DAB1: variants seen among roughly 807,000 people sequenced by gnomAD.
The protein encoded by DAB1 is DAB adaptor protein 1.
In DAB1, 15 loss-of-function variants were observed where a neutral mutation model predicts 64.6. The observed-to-expected ratio is 0.23, with a 90% CI of 0.16 to 0.36. The LOEUF is 0.36. DAB1 is among the 10% of genes least tolerant of loss of function. The pLI, the probability that DAB1 is intolerant of heterozygous loss-of-function variation, is 1.00. For missense variants in DAB1, 596 were observed against 706.7 expected (o/e 0.84, Z 1.78); for synonymous variants, 235 against 251.9 (o/e 0.93, Z 0.64).
intron 7 of DAB1, among the ~76,000 whole-genome samples, chr1:57,482,245 T>A (rs1644030695): frequency 6.6e-6 from 1 of 152,082 alleles, no homozygotes; most frequent in Non-Finnish European, 1.5e-5. Flanking sequence ...AACATTTATA[T>A]GGACCAAGTG....
intron 1 of DAB1, among the ~76,000 whole-genome samples, chr1:57,376,735 G>C (rs1680926942): frequency 6.6e-6 from 1 of 152,150 alleles, no homozygotes; most frequent in Non-Finnish European, 1.5e-5. Context: ...TGAACAGATG[G>C]ATAAAGAGAC....
At chr1:58,044,405 A>G (rs1647195622) in intron 5 of DAB1, among the ~76,000 whole-genome samples, 1 of 150,904 alleles carries the variant, frequency 6.6e-6, no homozygotes, top group East Asian at 1.9e-4. Context: ...CTGCTCTTTG[A>G]CTTGTCTGAA....
At chr1:58,313,212 A>T (rs1662470252) in intron 4 of DAB1, among the ~76,000 whole-genome samples, 1 of 152,166 alleles carries the variant, frequency 6.6e-6, no homozygotes, top group Non-Finnish European at 1.5e-5. Flanking sequence ...TGTATTACTC[A>T]TGGACCCAGC....
At chr1:58,438,202 G>C (rs546310907) in intron 3 of DAB1, among the ~76,000 whole-genome samples, 2 of 152,096 alleles carry the variant, frequency 1.3e-5, no homozygotes, top group Non-Finnish European at 2.9e-5. Context: ...TGAGTTTTCT[G>C]TCATTTGCAT....
chr1:57,482,848 A>G (rs1188108588), intron 7 of DAB1, among the ~76,000 whole-genome samples: 1 of 152,200 alleles, frequency 6.6e-6, no homozygotes, highest in Non-Finnish European at 1.5e-5. Context: ...AGAGAGGTTA[A>G]TAACTTGCTC....
chr1:57,564,513 G>A (rs148556569), intron 7 of DAB1, among the ~76,000 whole-genome samples: 107 of 152,212 alleles, frequency 7.0e-4, no homozygotes, highest in African/African-American at 2.0e-3. Flanking sequence ...TGAACCCATC[G>A]CAAAGAAGCT....
At chr1:58,169,834 C>A (rs1304355282) in intron 4 of DAB1, among the ~76,000 whole-genome samples, 1 of 152,168 alleles carries the variant, frequency 6.6e-6, no homozygotes, top group Non-Finnish European at 1.5e-5. Flanking sequence ...TCGGTTATGT[C>A]CCCTTCAAGC....
At chr1:57,957,278 A>G (rs962569075) in intron 5 of DAB1, among the ~76,000 whole-genome samples, 1 of 152,216 alleles carries the variant, frequency 6.6e-6, no homozygotes, top group Non-Finnish European at 1.5e-5. Context: ...TGTAAGTAAT[A>G]CTATGGAATC....
In DAB1 at chr1:58,168,764, T is replaced by C. The variant is rs1656002434; in HGVS notation, n.310-18176A>G. ...ACAAAAGGTGTCACTCTTCCTACCC[T>C]GGAGATCCCTTCTCTCCCTCAGGGT... is the stretch of plus-strand genomic sequence containing the variant. On this transcript the variant is annotated intron_variant and non_coding_transcript_variant, in intron 4 of 20. Transcript: ENST00000485760. Among the ~76,000 whole-genome samples, 4 of 152,186 alleles carry C rather than the reference T, an allele frequency of 2.6e-5. No homozygotes were observed. In the South Asian group the frequency reaches 8.3e-4, roughly 32 times the overall value.
chr1:57,890,068 C>G (rs1032463456), intron 5 of DAB1, among the ~76,000 whole-genome samples: 1 of 151,996 alleles, frequency 6.6e-6, no homozygotes, highest in Non-Finnish European at 1.5e-5. Flanking sequence ...ATGGAGCCCA[C>G]GGTCGAGTGG....
At chr1:57,550,279 A>G (rs1394519219) in intron 7 of DAB1, among the ~76,000 whole-genome samples, 1 of 152,188 alleles carries the variant, frequency 6.6e-6, no homozygotes, top group African/African-American at 2.4e-5. Flanking sequence ...AGATTAGTTG[A>G]CAGGAAGTGG....
At chr1:57,406,618 C>G (rs2101045194) in intron 1 of DAB1, among the ~76,000 whole-genome samples, 1 of 152,320 alleles carries the variant, frequency 6.6e-6, no homozygotes, top group East Asian at 1.9e-4. Flanking sequence ...TCATCTTCAT[C>G]ATTGCATCAT....
intron 3 of DAB1, among the ~76,000 whole-genome samples, chr1:58,397,020 G>C (rs546879148): frequency 6.6e-6 from 1 of 150,818 alleles, no homozygotes; most frequent in African/African-American, 2.4e-5. Context: ...AGCCGAGATC[G>C]CACTACTGCA....
intron 3 of DAB1, among the ~76,000 whole-genome samples, chr1:58,418,664 G>A (rs552165791): frequency 6.6e-6 from 1 of 152,158 alleles, no homozygotes; most frequent in South Asian, 2.1e-4. Context: ...ATGGGGGTTG[G>A]AGGAGGAATC....
chr1:57,780,440 C>T (rs980645720), intron 6 of DAB1, among the ~76,000 whole-genome samples: 42 of 152,242 alleles, frequency 2.8e-4, no homozygotes, highest in African/African-American at 9.6e-4. Context: ...GGGAATTCTT[C>T]ATGAGGCTTG....
intron 4 of DAB1, among the ~76,000 whole-genome samples, chr1:58,189,691 T>C (rs946964143): frequency 6.6e-6 from 1 of 152,230 alleles, no homozygotes. Context: ...TTGTCCTTAC[T>C]ACCCTGGCTG....
chr1:57,639,309 TATAAAGTTCTTTATA>T (rs1238784702), intron 7 of DAB1, among the ~76,000 whole-genome samples: 1 of 151,294 alleles, frequency 6.6e-6, no homozygotes, highest in Non-Finnish European at 1.5e-5. Flanking sequence ...TAAATAACTT[TATAAAGTTCTTTATA>T]AAAAGAACTT....
At chr1:57,385,045 A>C (rs11805025) in intron 1 of DAB1, among the ~76,000 whole-genome samples, 39,038 of 151,996 alleles carry the variant, frequency 0.26, 5,709 homozygotes, top group African/African-American at 0.4. Flanking sequence ...GAAACACAAA[A>C]CCCATCTTGG....
chr1:58,163,960 ATAG>A (rs2100753785), intron 4 of DAB1, among the ~76,000 whole-genome samples: 1 of 152,304 alleles, frequency 6.6e-6, no homozygotes, highest in African/African-American at 2.4e-5. Context: ...CTACCCACAC[ATAG>A]TTCCAAGAAA....
Sources: gnomAD v4.1 joint callset for allele counts (sites outside exome capture counted in the v4.1 genomes callset) on GRCh38, gnomAD v4.1.1 for gene constraint, MANE v1.5 for transcripts, NCBI Gene and HGNC (gene_info 2026-07-23, HGNC 2026-07-21) for gene names.